The following HSF1 variants were observed in gnomAD, a reference collection of about 807,000 sequenced individuals.
The protein encoded by HSF1 is heat shock factor protein 1.
A neutral mutation model predicts 51.7 loss-of-function variants in HSF1; 32 were observed. That is an observed-to-expected ratio of 0.62 (90% confidence interval 0.47 to 0.83). The LOEUF is 0.83. HSF1 is among the 40% of genes least tolerant of loss of function. The pLI is 0.00. For missense variants in HSF1, 727 were observed against 717.0 expected (o/e 1.01, Z -0.16); for synonymous variants, 396 against 309.7 (o/e 1.28, Z -2.92).
intron 1 of HSF1, among the ~76,000 whole-genome samples, chr8:144,302,058 C>G (rs1186814096): frequency 6.6e-6 from 1 of 150,456 alleles, no homozygotes. Context: ...CCCCGCTACT[C>G]GGGAGGCTGA....
At chr8:144,304,233 G>A (rs564034712) in intron 1 of HSF1, among the ~76,000 whole-genome samples, 1 of 152,350 alleles carries the variant, frequency 6.6e-6, no homozygotes, top group South Asian at 2.1e-4. Flanking sequence ...AGGAGGCTGA[G>A]GCTCAGATGC....
At chr8:144,294,399 T>C (rs1815318153) in intron 1 of HSF1, among the ~76,000 whole-genome samples, 1 of 152,154 alleles carries the variant, frequency 6.6e-6, no homozygotes, top group Non-Finnish European at 1.5e-5. Context: ...AAGGCCCTGG[T>C]GCTCTTGCTC....
At chr8:144,305,093 G>A (rs905010680) in intron 1 of HSF1, among the ~76,000 whole-genome samples, 21 of 145,410 alleles carry the variant, frequency 1.4e-4, no homozygotes, top group African/African-American at 2.0e-4. Context: ...GACTATAGGC[G>A]CCCGCCACTG....
chr8:144,312,003 C>G lies in HSF1; in HGVS notation c.901C>G (p.Pro301Ala). The G allele has an allele frequency of 6.3e-7, 1 of 1,592,554 alleles. No individual in the cohort carries two copies. The highest frequency in any genetic ancestry group is 8.6e-7 in the Non-Finnish European group (1 of 1,167,524). The change falls in exon 9 of 13, where the codon CCC (proline) becomes GCC (alanine). Residue 301 changes from proline to alanine, a missense_variant. By Grantham distance (27) the Pro-to-Ala change is conservative. Transcript: ENST00000528838. ...SSPLVRVKEE[P>A]PSPPQSPRVE... ...CCCCCTGGTGCGTGTCAAGGAGGAG[C>G]CCCCCAGCCCGCCTCAGAGCCCCCG...
chr8:144,302,500 C>G (rs1316195701), intron 1 of HSF1, among the ~76,000 whole-genome samples: 1 of 146,298 alleles, frequency 6.8e-6, no homozygotes, highest in African/African-American at 2.5e-5. Flanking sequence ...GAGCGAGACT[C>G]CATCTAAAAA....
At chr8:144,306,335 A>T (rs1186775891) in intron 1 of HSF1, among the ~76,000 whole-genome samples, 3 of 132,640 alleles carry the variant, frequency 2.3e-5, no homozygotes, top group Admixed American at 7.4e-5. Context: ...TTCTTTGCAT[A>T]TCTCTATTTT....
At position 144,313,660 on chromosome 8, in the gene HSF1, GC is replaced by G. The variant is rs1554420003; in HGVS notation, c.1248+46del. On this transcript the variant is annotated intron_variant, in intron 10 of 12. Coordinates refer to ENST00000528838, the MANE Select transcript of HSF1 (RefSeq NM_005526.4). ...CCCCGCCTCCCCGCCCCGCCTCCCC[GC>G]CGCGCCGCCCCGCCTCCCCGCCCCG... is the stretch of plus-strand genomic sequence containing the variant. 1.1e-3 allele frequency: 120 copies of G among 113,246 alleles called. 8 individuals carry two copies. The highest frequency in any genetic ancestry group is 4.4e-3 in the African/African-American group (46 of 10,344). The allele number at this position is 113,246 out of a possible 1,614,324, so 7.0% of individuals were successfully genotyped here. A position where few individuals can be genotyped will look rare whatever the true frequency, so the allele number is the denominator to read the frequency against.
chr8:144,311,226 C>A lies in HSF1; in HGVS notation c.541C>A (p.Gln181Lys), dbSNP rs1037898865. The A allele has an allele frequency of 2.6e-5, 42 of 1,612,402 alleles. No individual in the cohort carries two copies. The highest frequency in any genetic ancestry group is 3.4e-5 in the Non-Finnish European group (40 of 1,179,616). Residue 181 changes from glutamine to lysine, a missense_variant, in exon 5 of 13, where the codon CAG becomes AAG. Transcript: ENST00000528838. ...EVASLRQKHA[Q>K]QQKVVNKLIQ... ...GGCCAGCCTTCGGCAGAAGCATGCC[C>A]AGCAACAGAAAGTCGTCAACAAGGT... is the stretch of plus-strand genomic sequence containing the variant.
intron 2 of HSF1, 60 bp from the exon 3 acceptor site, chr8:144,309,395 C>A: frequency 7.5e-6 from 12 of 1,603,020 alleles, no homozygotes; most frequent in Non-Finnish European, 1.0e-5. Flanking sequence ...GCAGTGGCCG[C>A]TCTTCAGGGG....
At position 144,312,261 on chromosome 8, in the gene HSF1, C is replaced by T. The variant is rs782695209; in HGVS notation, c.1142+17C>T. On this transcript the variant is annotated intron_variant, in intron 9 of 12. Coordinates refer to ENST00000528838, the MANE Select transcript of HSF1 (RefSeq NM_005526.4). The stretch of plus-strand genomic sequence containing the variant: ...CCTGGACAAGTGAGTGCCGCCCACC[C>T]CTGGCCCCACCCACAGCGCCTGGAC... 1 of 1,554,218 alleles carries T rather than the reference C, an allele frequency of 6.4e-7. No homozygotes were observed. Among genetic ancestry groups the T allele is most frequent in the South Asian group, 1.2e-5 (1 of 85,078 alleles).
rs544253286 is a variant in HSF1 at position 144,299,764 on chromosome 8, C to G, written c.117+7890C>G. Among the ~76,000 whole-genome samples, 8 of 152,204 alleles carry G rather than the reference C, an allele frequency of 5.3e-5. No homozygotes were observed. In the East Asian group the frequency reaches 9.7e-4, roughly 18 times the overall value. On this transcript the variant is annotated intron_variant, in intron 1 of 12. Transcript: ENST00000528838. Reference sequence around the variant, plus strand: ...CTCTACTAAAAATACAAAAAATTAGCCGGGCGTGGTGGCGGGCACCTGTAG... The same window carrying G: ...CTCTACTAAAAATACAAAAAATTAGGCGGGCGTGGTGGCGGGCACCTGTAG...
At chr8:144,309,109 T>TC in intron 2 of HSF1, 95 bp downstream of exon 2, 1 of 1,020,976 alleles carries the variant, frequency 9.8e-7, no homozygotes, top group Non-Finnish European at 1.5e-6. Context: ...GGACGGGGCG[T>TC]CCTGTGCTGG....
Position 144,311,185 on chromosome 8 carries a change from C to T in HSF1, c.500C>T (p.Ala167Val), listed in dbSNP as rs782208328. The T allele has an allele frequency of 1.9e-6, 3 of 1,604,458 alleles. No homozygotes were observed. Among genetic ancestry groups the T allele is most frequent in the African/African-American group, 1.3e-5 (1 of 74,888 alleles). The change falls in exon 5 of 13, where the codon GCT (alanine) becomes GTT (valine). Residue 167 changes from alanine (A) to valine (V), a missense_variant. Transcript: ENST00000528838. The stretch of plus-strand genomic sequence containing the variant: ...CTGGTCTGTTGCAGTGAGAATGAGG[C>T]TCTGTGGCGGGAGGTGGCCAGCCTT... ...KLLAMKHENE[A>V]LWREVASLRQ...
rs369616383 is a variant in HSF1, at chr8:144,313,518, C to T, written c.1150C>T (p.Leu384Phe). 5.6e-6 allele frequency: 9 copies of T among 1,608,978 alleles called. No individual in the cohort carries two copies. In the African/African-American group the frequency reaches 9.4e-5, roughly 17 times the overall value. ...CGCCTTATCCCGGGCCAGGAATGAG[C>T]TCAGTGACCACTTGGATGCTATGGA... The part of the protein sequence containing the change: ...LSVACLDKNE[L>F]SDHLDAMDSN... The change falls in exon 10 of 13, where the codon CTC becomes TTC. Residue 384 changes from leucine (L) to phenylalanine (F), a missense_variant. Around this residue, in one of 2 missense-constraint regions of HSF1, gnomAD observed 470 missense variants for 398.8 expected, o/e 1.18. Transcript: ENST00000528838.
rs1438743748 is a variant in HSF1 at position 144,297,771 on chromosome 8, T to C, written c.117+5897T>C. ...ACCGGTCAGCAGATACAGCTTTGAC[T>C]TGGCAGGAGGCTGGAACAAGAGGCT... is the stretch of plus-strand genomic sequence containing the variant. On this transcript the variant is annotated intron_variant, in intron 1 of 12. Coordinates refer to ENST00000528838, the MANE Select transcript of HSF1 (RefSeq NM_005526.4). The surrounding 1 kb of genome is among the most constrained non-coding windows in gnomAD (Gnocchi z 4.6). Among the ~76,000 whole-genome samples, 2 of 152,166 alleles carry C rather than the reference T, an allele frequency of 1.3e-5. No homozygotes were observed. The highest frequency in any genetic ancestry group is 2.9e-5 in the Non-Finnish European group (2 of 68,038).
At chr8:144,303,776 G>A (rs1554842789) in intron 1 of HSF1, among the ~76,000 whole-genome samples, 1 of 152,230 alleles carries the variant, frequency 6.6e-6, no homozygotes, top group Non-Finnish European at 1.5e-5. Context: ...TACCCAGGAA[G>A]CTGAGGCAGG....
chr8:144,308,483 A>G (rs1403689124), intron 1 of HSF1, among the ~76,000 whole-genome samples: 1 of 152,212 alleles, frequency 6.6e-6, no homozygotes, highest in African/African-American at 2.4e-5. Context: ...CGCTGTTCCC[A>G]AGGGAAAGGT....
At chr8:144,296,366 A>G (rs1252057596) in intron 1 of HSF1, among the ~76,000 whole-genome samples, 1 of 152,168 alleles carries the variant, frequency 6.6e-6, no homozygotes, top group East Asian at 1.9e-4. Flanking sequence ...CAGCAGGCCC[A>G]CTGGCCCCAC....
intron 1 of HSF1, among the ~76,000 whole-genome samples, chr8:144,308,035 A>G (rs1000828949): frequency 6.6e-6 from 1 of 152,176 alleles, no homozygotes; most frequent in East Asian, 1.9e-4. Context: ...CTCCACTTCT[A>G]GTGCCACACC....
Sources: allele counts gnomAD v4.1 joint callset (sites outside exome capture counted in the v4.1 genomes callset), GRCh38; gene constraint gnomAD v4.1.1; regional missense constraint gnomAD v4.1.1; non-coding constraint Gnocchi (gnomAD v3.1); transcripts MANE v1.5; gene names NCBI Gene and HGNC (gene_info 2026-07-23, HGNC 2026-07-21).